Variants in GNG7 observed in about 807,000 individuals in gnomAD.
The protein encoded by GNG7 is guanine nucleotide-binding protein G(I)/G(S)/G(O) subunit gamma-7.
GNG7 carries 1 observed loss-of-function variant against 4.0 expected under a neutral mutation model. The ratio of observed to expected loss-of-function variants is 0.25; its 90% CI spans 0.09 to 1.18. The LOEUF is 1.18. Ranked by LOEUF, GNG7 falls within the 50% of genes most tolerant of loss-of-function variation. GNG7 has a pLI of 0.50. For synonymous variants in GNG7, 34 were observed against 36.9 expected (o/e 0.92, Z 0.29); for missense variants, 86 against 91.9 (o/e 0.94, Z 0.26).
In GNG7 at chr19:2,633,867, C is replaced by CT. The variant is rs1982237067; in HGVS notation, c.-78+12356dup. 6.6e-6 allele frequency among the ~76,000 whole-genome samples: 1 copy of CT among 152,260 alleles called. No individual in the cohort carries two copies. Among genetic ancestry groups the CT allele is most frequent in the Middle Eastern group, 3.4e-3 (1 of 294 alleles). ...CTTGGTTGTGGGGCTGCCCCGGGCACTGCAGGGTGCTGAGTGGCACCCCTG... is the reference window on the plus strand; with the variant it reads ...CTTGGTTGTGGGGCTGCCCCGGGCACTTGCAGGGTGCTGAGTGGCACCCCTG... On this transcript the variant is annotated intron_variant, in intron 2 of 4. Transcript: ENST00000382159. This position sits in a 1 kb window ranked among gnomAD's most constrained non-coding sequence, Gnocchi z 5.9.
chr19:2,698,421 G>A (rs938301914), intron 1 of GNG7, among the ~76,000 whole-genome samples: 5 of 152,042 alleles, frequency 3.3e-5, no homozygotes, highest in Non-Finnish European at 5.9e-5. Flanking sequence ...AAAATTAGCC[G>A]GGTGCAGTGG....
intron 1 of GNG7, among the ~76,000 whole-genome samples, chr19:2,699,471 T>C (rs1369891454): frequency 1.3e-5 from 2 of 152,116 alleles, no homozygotes; most frequent in Non-Finnish European, 2.9e-5. Context: ...TTCTAATGTT[T>C]TCTAAAAGCA....
intron 2 of GNG7, among the ~76,000 whole-genome samples, chr19:2,644,336 T>TAC (rs1982602605): frequency 1.5e-4 from 1 of 6,576 alleles, no homozygotes; most frequent in Non-Finnish European, 3.2e-4. Context: ...TTTATATATA[T>TAC]ATATATATAT....
intron 1 of GNG7, among the ~76,000 whole-genome samples, chr19:2,657,188 G>T (rs1476369105): frequency 6.7e-6 from 1 of 149,162 alleles, no homozygotes; most frequent in African/African-American, 2.5e-5. Context: ...ACAAAAATTA[G>T]TTGGGTCTGG....
intron 3 of GNG7, among the ~76,000 whole-genome samples, chr19:2,540,465 G>T (rs1978922550): frequency 6.6e-6 from 1 of 152,168 alleles, no homozygotes; most frequent in Non-Finnish European, 1.5e-5. Context: ...CTCTAAGACT[G>T]ATTCTTGCCG....
At chr19:2,601,936 G>GGAGGA (rs949666748) in intron 2 of GNG7, among the ~76,000 whole-genome samples, 5 of 151,980 alleles carry the variant, frequency 3.3e-5, no homozygotes, top group Admixed American at 3.3e-4. Flanking sequence ...GGAGGGGAGG[G>GGAGGA]GAGGAGAGGA....
intron 1 of GNG7, among the ~76,000 whole-genome samples, chr19:2,678,865 G>A (rs984240796): frequency 4.6e-5 from 7 of 152,078 alleles, no homozygotes; most frequent in Non-Finnish European, 7.4e-5. Flanking sequence ...TGCAGCCTTC[G>A]ACGATCGGAA....
chr19:2,660,302 T>A (rs1247111612), intron 1 of GNG7, among the ~76,000 whole-genome samples: 1 of 152,210 alleles, frequency 6.6e-6, no homozygotes, highest in Non-Finnish European at 1.5e-5. Flanking sequence ...GCCTCATCCC[T>A]TTCCAATCCT....
At chr19:2,676,218 TC>T (rs1983589938) in intron 1 of GNG7, among the ~76,000 whole-genome samples, 1 of 152,214 alleles carries the variant, frequency 6.6e-6, no homozygotes, top group African/African-American at 2.4e-5. Flanking sequence ...ACTTCTGGCT[TC>T]TAGAACTGCC....
chr19:2,585,228 T>G (rs193068847), intron 2 of GNG7, among the ~76,000 whole-genome samples: 3 of 152,300 alleles, frequency 2.0e-5, no homozygotes, highest in African/African-American at 4.8e-5. Context: ...TGGAAATAAA[T>G]TAATATGCAT....
At chr19:2,524,565 G>C (rs1237660805) in intron 3 of GNG7, among the ~76,000 whole-genome samples, 1 of 152,218 alleles carries the variant, frequency 6.6e-6, no homozygotes, top group Non-Finnish European at 1.5e-5. Flanking sequence ...CATATGCATG[G>C]GTGTGCACGT....
At chr19:2,635,755 G>C (rs1024797573) in intron 2 of GNG7, among the ~76,000 whole-genome samples, 9 of 152,096 alleles carry the variant, frequency 5.9e-5, no homozygotes, top group African/African-American at 2.2e-4. Context: ...GCTAATTTTT[G>C]TATTTTTAGT....
chr19:2,542,927 T>G (rs1253921194), intron 3 of GNG7, among the ~76,000 whole-genome samples: 2 of 151,086 alleles, frequency 1.3e-5, no homozygotes, highest in Non-Finnish European at 2.9e-5. Context: ...TTTGTTTTGT[T>G]TTTGAGGCAG....
At chr19:2,656,591 C>A (rs1322395200) in intron 1 of GNG7, among the ~76,000 whole-genome samples, 1 of 152,110 alleles carries the variant, frequency 6.6e-6, no homozygotes. Flanking sequence ...CAGAGTGAGG[C>A]TCCATCAAAA....
At chr19:2,567,351 GACA>G (rs1212461918) in intron 2 of GNG7, among the ~76,000 whole-genome samples, 1 of 146,398 alleles carries the variant, frequency 6.8e-6, no homozygotes, top group African/African-American at 2.7e-5. Context: ...GTGTGTGTGT[GACA>G]TAGGGTCTCA....
intron 2 of GNG7, among the ~76,000 whole-genome samples, chr19:2,620,220 AAGAGG>A (rs765606816): frequency 1.1e-5 from 1 of 89,074 alleles, no homozygotes; most frequent in Admixed American, 1.6e-4. Context: ...CAGAAAAGAA[AAGAGG>A]AGAGGGGAGG....
intron 1 of GNG7, among the ~76,000 whole-genome samples, chr19:2,693,829 A>G (rs542202598): frequency 3.0e-4 from 45 of 152,238 alleles, no homozygotes; most frequent in Middle Eastern, 3.4e-3. Flanking sequence ...TAAATGCGTC[A>G]AGGGTTAAAG....
intron 2 of GNG7, among the ~76,000 whole-genome samples, chr19:2,641,072 C>T (rs1982492660): frequency 6.6e-6 from 1 of 152,232 alleles, no homozygotes; most frequent in Admixed American, 6.5e-5. Context: ...AGAGGTGGTA[C>T]AAGAAGAAGG....
At chr19:2,692,942 T>C (rs188031851) in intron 1 of GNG7, among the ~76,000 whole-genome samples, 66 of 146,390 alleles carry the variant, frequency 4.5e-4, no homozygotes, top group African/African-American at 1.6e-3. Flanking sequence ...GCTGCGATTG[T>C]GCCACTGCAC....
Sources: allele counts gnomAD v4.1 joint callset (sites outside exome capture counted in the v4.1 genomes callset), GRCh38; gene constraint gnomAD v4.1.1; non-coding constraint Gnocchi (gnomAD v3.1); transcripts MANE v1.5; gene names NCBI Gene and HGNC (gene_info 2026-07-23, HGNC 2026-07-21).